PAK5: variants seen among roughly 807,000 people sequenced by gnomAD.
The protein encoded by PAK5 is p21 (RAC1) activated kinase 5.
PAK5 carries 16 observed loss-of-function variants against 65.9 expected under a neutral mutation model. The ratio of observed to expected loss-of-function variants is 0.24; its 90% CI spans 0.16 to 0.37. The LOEUF (loss-of-function observed/expected upper bound fraction) is 0.37, where lower values mean the gene tolerates loss of function less well. Among genes scored for constraint, PAK5 ranks in the 10% least tolerant of loss-of-function variants. The pLI is 1.00. For missense variants in PAK5, 785 were observed against 903.9 expected (o/e 0.87, Z 1.69); for synonymous variants, 371 against 354.9 (o/e 1.05, Z -0.51).
At chr20:9,541,554 C>G (rs2045263650) in intron 9 of PAK5, among the ~76,000 whole-genome samples, 1 of 152,202 alleles carries the variant, frequency 6.6e-6, no homozygotes, top group African/African-American at 2.4e-5. Context: ...TCTTTCTTGG[C>G]TTAAGGCCTT....
At chr20:9,755,825 C>T (rs742451) in intron 1 of PAK5, among the ~76,000 whole-genome samples, 24,658 of 152,168 alleles carry the variant, frequency 0.16, 2,254 homozygotes, top group East Asian at 0.28. Context: ...ATCCATCTTA[C>T]TTGCTTTTCC....
chr20:9,753,899 G>T (rs1161372992), intron 1 of PAK5, among the ~76,000 whole-genome samples: 1 of 152,064 alleles, frequency 6.6e-6, no homozygotes, highest in African/African-American at 2.4e-5. Flanking sequence ...CCCTTATTTT[G>T]TGCTTGGCTT....
Position 9,618,562 on chromosome 20 carries a change from A to G in PAK5, c.204+25563T>C, listed in dbSNP as rs1032904624. Among the ~76,000 whole-genome samples, 42 of 149,852 alleles carry G rather than the reference A, an allele frequency of 2.8e-4. 1 individual carries two copies. Among genetic ancestry groups the G allele is most frequent in the Non-Finnish European group, 5.5e-4 (37 of 67,646 alleles). On this transcript the variant is annotated intron_variant, in intron 3 of 9. Transcript: ENST00000353224. ...GCTGAGATTGCAGGCATGTGCCACC[A>G]GGCCCAGCTAATTTTTTTTTTTTTG...
intron 1 of PAK5, among the ~76,000 whole-genome samples, chr20:9,755,513 C>T (rs1385058757): frequency 1.3e-5 from 2 of 152,128 alleles, no homozygotes; most frequent in African/African-American, 2.4e-5. Context: ...TTTCAAAGGT[C>T]TGTAAAGTTT....
At chr20:9,780,677 C>T (rs899559494) in intron 1 of PAK5, among the ~76,000 whole-genome samples, 3 of 152,018 alleles carry the variant, frequency 2.0e-5, no homozygotes, top group African/African-American at 7.2e-5. Flanking sequence ...CCCATTTTCT[C>T]ATATAGTACA....
At chr20:9,737,829 A>C (rs117750693) in intron 1 of PAK5, among the ~76,000 whole-genome samples, 2,026 of 152,278 alleles carry the variant, frequency 0.013, 15 homozygotes, top group Middle Eastern at 0.024. Flanking sequence ...GATTAACCAT[A>C]CCAAGTGTTA....
In PAK5 at chr20:9,578,010, T is replaced by C. The variant is rs937026617; in HGVS notation, c.990+2135A>G. 2.0e-5 allele frequency among the ~76,000 whole-genome samples: 3 copies of C among 152,192 alleles called. No homozygotes were observed. In the South Asian group the frequency reaches 6.2e-4, roughly 32 times the overall value. The stretch of plus-strand genomic sequence containing the variant: ...AAGTGAATCACCCCTCCCACCCTCG[T>C]TCTTCTGTCACTTAGACGAAAGTTC... On this transcript the variant is annotated intron_variant, in intron 4 of 9. Coordinates refer to ENST00000353224, the MANE Select transcript of PAK5 (RefSeq NM_177990.4).
In PAK5 at chr20:9,569,979, A is replaced by T. The variant is rs141818008; in HGVS notation, c.991-3595T>A. Among the ~76,000 whole-genome samples the T allele has an allele frequency of 6.5e-3, 966 of 149,272 alleles. 9 individuals are homozygous for T. The highest frequency in any genetic ancestry group is 0.017 in the Middle Eastern group (5 of 294). On this transcript the variant is annotated intron_variant, in intron 4 of 9. Coordinates refer to ENST00000353224, the MANE Select transcript of PAK5 (RefSeq NM_177990.4). ...GAGAGAACACATGCTTTTGACGGGCATAGGAATGAATTCTGACTGATAATT... is the reference window on the plus strand; with the variant it reads ...GAGAGAACACATGCTTTTGACGGGCTTAGGAATGAATTCTGACTGATAATT...
At chr20:9,773,925 TC>T (rs1006557514) in intron 1 of PAK5, among the ~76,000 whole-genome samples, 33 of 152,176 alleles carry the variant, frequency 2.2e-4, no homozygotes, top group Non-Finnish European at 5.9e-5. Context: ...CAGTAACTGT[TC>T]CCTATTGCTG....
intron 1 of PAK5, among the ~76,000 whole-genome samples, chr20:9,775,048 A>G (rs6118726): frequency 0.35 from 52,548 of 152,050 alleles, 9,362 homozygotes; most frequent in Middle Eastern, 0.49. Flanking sequence ...TGTACTTTCT[A>G]GAAGAGGCTA....
At chr20:9,612,100 G>A (rs1051866483) in intron 3 of PAK5, among the ~76,000 whole-genome samples, 1 of 152,096 alleles carries the variant, frequency 6.6e-6, no homozygotes, top group Non-Finnish European at 1.5e-5. Flanking sequence ...AAATGCTGCA[G>A]GGATATGTAC....
intron 2 of PAK5, among the ~76,000 whole-genome samples, chr20:9,662,805 T>C (rs1310387380): frequency 2.6e-5 from 4 of 152,130 alleles, no homozygotes; most frequent in African/African-American, 9.7e-5. Context: ...CACTATGCTG[T>C]CAGCAAATAG....
chr20:9,545,602 G>A (rs192966563), intron 7 of PAK5, among the ~76,000 whole-genome samples: 109 of 151,836 alleles, frequency 7.2e-4, no homozygotes, highest in African/African-American at 2.3e-3. Flanking sequence ...TACCTCTGCC[G>A]CCTGCCTCTT....
At chr20:9,837,503 C>T (rs2036573060) in intron 1 of PAK5, among the ~76,000 whole-genome samples, 1 of 152,142 alleles carries the variant, frequency 6.6e-6, no homozygotes, top group African/African-American at 2.4e-5. Flanking sequence ...TATCTTTCTC[C>T]CCAAGATTGA....
At chr20:9,572,328 G>A (rs1300889858) in intron 4 of PAK5, among the ~76,000 whole-genome samples, 1 of 152,036 alleles carries the variant, frequency 6.6e-6, no homozygotes, top group African/African-American at 2.4e-5. Context: ...TCATAGTCAT[G>A]TAAGTGTTCC....
chr20:9,818,395 C>T (rs1166985738), intron 1 of PAK5, among the ~76,000 whole-genome samples: 1 of 152,298 alleles, frequency 6.6e-6, no homozygotes, highest in African/African-American at 2.4e-5. Context: ...CTCTGTCCCT[C>T]ACTGTGAAAT....
chr20:9,785,312 T>C (rs1454555166), intron 1 of PAK5, among the ~76,000 whole-genome samples: 1 of 152,202 alleles, frequency 6.6e-6, no homozygotes, highest in Non-Finnish European at 1.5e-5. Context: ...CTTAGTATAC[T>C]CATTTATGAC....
intron 3 of PAK5, among the ~76,000 whole-genome samples, chr20:9,605,938 G>C (rs572108454): frequency 6.6e-6 from 1 of 152,066 alleles, no homozygotes; most frequent in Non-Finnish European, 1.5e-5. Flanking sequence ...TCAAAAAAAA[G>C]TGAAGAGAAT....
chr20:9,690,647 A>G (rs544544486), intron 2 of PAK5, among the ~76,000 whole-genome samples: 1 of 151,752 alleles, frequency 6.6e-6, no homozygotes, highest in African/African-American at 2.4e-5. Context: ...TGGATCTAGG[A>G]AGCTGCAGCA....
Sources: allele counts gnomAD v4.1 joint callset (sites outside exome capture counted in the v4.1 genomes callset), GRCh38; gene constraint gnomAD v4.1.1; transcripts MANE v1.5; gene names NCBI Gene and HGNC (gene_info 2026-07-23, HGNC 2026-07-21).